ARHGAP29: variants seen among roughly 807,000 people sequenced by gnomAD.
ARHGAP29 encodes the protein rho GTPase-activating protein 29.
ARHGAP29 carries 43 observed loss-of-function variants against 122.6 expected under a neutral mutation model. That is an observed-to-expected ratio of 0.35 (90% CI 0.27 to 0.45). ARHGAP29 has a LOEUF of 0.45. Ranked by LOEUF, ARHGAP29 falls within the 20% of genes least tolerant of loss-of-function variation. The pLI is 1.00. For missense variants in ARHGAP29, 1,303 were observed against 1,477.2 expected (o/e 0.88, Z 1.93); for synonymous variants, 506 against 497.1 (o/e 1.02, Z -0.24).
chr1:94,198,857 G>A (rs75802090), intron 12 of ARHGAP29, among the ~76,000 whole-genome samples: 2,538 of 152,244 alleles, frequency 0.017, 75 homozygotes, highest in African/African-American at 0.058. Context: ...ACATTTTTAT[G>A]GAAGGTCAAA....
upstream of ARHGAP29, among the ~76,000 whole-genome samples, chr1:94,240,934 T>C (rs1405085320): frequency 1.3e-5 from 2 of 152,338 alleles, no homozygotes; most frequent in East Asian, 3.9e-4. Context: ...TAGCCTACTT[T>C]TCATAGCAGA....
intron 1 of ARHGAP29, among the ~76,000 whole-genome samples, chr1:94,255,112 T>G (rs774738908): frequency 5.9e-5 from 9 of 152,156 alleles, no homozygotes; most frequent in Non-Finnish European, 1.3e-4. Context: ...ACCCAGTACC[T>G]CAGAATGTAA....
Position 94,237,484 on chromosome 1 carries a change from G to A in ARHGAP29, c.-102C>T, listed in dbSNP as rs1653358814. On this transcript the variant is annotated 5_prime_UTR_variant, in exon 1 of 23. Coordinates refer to ENST00000260526, the MANE Select transcript of ARHGAP29 (RefSeq NM_004815.4). ...ACCTACGGCCGCCGCCACCGCCGAGGGCTGGAGCTCGCTGCCCCCATCCCC... is the reference window on the plus strand; with the variant it reads ...ACCTACGGCCGCCGCCACCGCCGAGAGCTGGAGCTCGCTGCCCCCATCCCC... The A allele has an allele frequency of 5.1e-6, 5 of 989,040 alleles. No homozygotes were observed. The highest frequency in any genetic ancestry group is 6.0e-6 in the Non-Finnish European group (5 of 832,446). The allele number at this position is 989,040 out of a possible 1,614,324, so 61.3% of individuals were successfully genotyped here.
rs776706339 is a variant in ARHGAP29, at chr1:94,202,593, T to C, written c.1094A>G (p.Asn365Ser). Reference sequence around the variant, plus strand: ...CCTTCGCTTTTTTTCTAGTTGCTTGTTGAGATTTTTTGCTAATCCGCCACT... The same window carrying C: ...CCTTCGCTTTTTTTCTAGTTGCTTGCTGAGATTTTTTGCTAATCCGCCACT... Reference protein sequence around the residue: ...SSSGGLAKNLNKQLEKKRRLE... With the variant: ...SSSGGLAKNLSKQLEKKRRLE... Residue 365 changes from asparagine to serine, a missense_variant, in exon 11 of 23, where the codon AAC becomes AGC. Asn to Ser is a conservative substitution (Grantham distance 46). Transcript: ENST00000260526. The C allele has an allele frequency of 6.2e-7, 1 of 1,614,224 alleles. No individual in the cohort carries two copies. Among genetic ancestry groups the C allele is most frequent in the Non-Finnish European group, 8.5e-7 (1 of 1,180,038 alleles).
intron 12 of ARHGAP29, chr1:94,195,602 T>C (rs931664123): frequency 1.3e-5 from 2 of 151,728 alleles, no homozygotes; most frequent in Admixed American, 1.3e-4. Context: ...TTAAGGAAAA[T>C]ATCATAAGGC....
intron 12 of ARHGAP29, among the ~76,000 whole-genome samples, chr1:94,197,790 C>T (rs571783736): frequency 1.4e-4 from 22 of 152,228 alleles, no homozygotes; most frequent in Non-Finnish European, 2.5e-4. Flanking sequence ...TTGATAAAAT[C>T]TAACCTTTAT....
At chr1:94,211,911 A>C (rs11165093) in intron 3 of ARHGAP29, among the ~76,000 whole-genome samples, 145,061 of 152,014 alleles carry the variant, frequency 0.95, 69,598 homozygotes, top group Non-Finnish European at 1. Flanking sequence ...CTCCTCCCCC[A>C]ACCCCACAAC....
At chr1:94,246,627 G>A (rs947657855) in intron 1 of ARHGAP29, among the ~76,000 whole-genome samples, 2 of 152,112 alleles carry the variant, frequency 1.3e-5, no homozygotes, top group African/African-American at 2.4e-5. Flanking sequence ...GGTGGTGGTG[G>A]TGAAAAGGTG....
At chr1:94,213,325 A>G (rs1004064532) in intron 3 of ARHGAP29, among the ~76,000 whole-genome samples, 1 of 151,844 alleles carries the variant, frequency 6.6e-6, no homozygotes, top group African/African-American at 2.4e-5. Context: ...GACTACAGGC[A>G]CCCGCCACCA....
the ARHGAP29 span, among the ~76,000 whole-genome samples, chr1:94,313,442 A>G: frequency 2.0e-5 from 3 of 152,306 alleles, no homozygotes; most frequent in African/African-American, 4.8e-5. Flanking sequence ...CCCCCATCTC[A>G]TGCCAGTTAG....
intron 2 of ARHGAP29, among the ~76,000 whole-genome samples, chr1:94,223,974 A>AT (rs530193508): frequency 2.0e-4 from 31 of 151,850 alleles, no homozygotes; most frequent in Middle Eastern, 6.8e-3. Context: ...CACCTGGCTG[A>AT]TTTTTTTTGT....
At position 94,177,679 on chromosome 1, in the gene ARHGAP29, T is replaced by G. The variant is rs753325377; in HGVS notation, c.2838A>C (p.Arg946=). ...GTTCTGATTCCTCAAATGATGTAGC[T>G]CGTTCAAAAATTTTGCTTTCACTCT... ...TSESESKIFE[R]ATSFEESERK... The change falls in exon 22 of 23, where the codon CGA becomes CGC. Residue 946 remains arginine, a synonymous_variant. Coordinates refer to ENST00000260526, the MANE Select transcript of ARHGAP29 (RefSeq NM_004815.4). The G allele has an allele frequency of 4.3e-6, 7 of 1,613,374 alleles. No homozygotes were observed. Among genetic ancestry groups the G allele is most frequent in the Non-Finnish European group, 5.9e-6 (7 of 1,179,864 alleles).
intron 19 of ARHGAP29, among the ~76,000 whole-genome samples, chr1:94,183,311 C>T (rs1329977880): frequency 6.6e-6 from 1 of 152,088 alleles, no homozygotes; most frequent in Non-Finnish European, 1.5e-5. Flanking sequence ...CATTTTCACC[C>T]GAGGACAGAA....
chr1:94,188,788 G>T (rs1570503874), intron 15 of ARHGAP29, 49 bp downstream of exon 15: 2 of 1,438,536 alleles, frequency 1.4e-6, no homozygotes, highest in African/African-American at 1.4e-5. Context: ...CCTAAAAAAG[G>T]ACTGATCTTT....
chr1:94,184,272 C>T lies in ARHGAP29; in HGVS notation c.2126G>A (p.Cys709Tyr). The T allele has an allele frequency of 1.2e-6, 2 of 1,609,664 alleles. No individual in the cohort carries two copies. Among genetic ancestry groups the T allele is most frequent in the African/African-American group, 1.3e-5 (1 of 74,766 alleles). The change falls in exon 19 of 23, where the codon TGT becomes TAT. Residue 709 changes from cysteine (C) to tyrosine (Y), a missense_variant. Cys to Tyr is a radical substitution (Grantham distance 194). Coordinates refer to ENST00000260526, the MANE Select transcript of ARHGAP29 (RefSeq NM_004815.4). The part of the protein sequence containing the change: ...ALCLQGIYRV[C>Y]GNKIKTEKLC... ...TTTTTCAGTTTTTATTTTGTTTCCA[C>T]ACACACGATAAATTCCCTTCAATAG...
intron 8 of ARHGAP29, 106 bp from the exon 9 acceptor site, chr1:94,203,316 C>A: frequency 1.4e-6 from 1 of 703,426 alleles, no homozygotes; most frequent in Non-Finnish European, 2.2e-6. Context: ...AGACTTTTGC[C>A]CCCAGAAAAA....
At chr1:94,247,466 C>A (rs1198849337) in intron 1 of ARHGAP29, among the ~76,000 whole-genome samples, 3 of 151,486 alleles carry the variant, frequency 2.0e-5, no homozygotes, top group East Asian at 2.0e-4. Context: ...CTAGCCCCTG[C>A]CGGACCCTGG....
chr1:94,207,802 A>G (rs563850755), intron 5 of ARHGAP29, among the ~76,000 whole-genome samples: 2 of 152,028 alleles, frequency 1.3e-5, no homozygotes, highest in South Asian at 2.1e-4. Flanking sequence ...TTATAATAAT[A>G]TAAGTCCCTG....
chr1:94,264,998 G>A (rs1165758558), intron 1 of ARHGAP29, among the ~76,000 whole-genome samples: 2 of 152,150 alleles, frequency 1.3e-5, no homozygotes. Context: ...TATGTTACAA[G>A]CCCAGTGAGA....
Sources: allele counts gnomAD v4.1 joint callset (sites outside exome capture counted in the v4.1 genomes callset), GRCh38; gene constraint gnomAD v4.1.1; transcripts MANE v1.5; gene names NCBI Gene and HGNC (gene_info 2026-07-23, HGNC 2026-07-21).